LRP1B: variants seen among roughly 807,000 people sequenced by gnomAD.
LRP1B encodes LDL receptor related protein 1B, also known as low-density lipoprotein receptor-related protein 1B.
LRP1B carries 217 observed loss-of-function variants against 556.6 expected under a neutral mutation model. The ratio of observed to expected loss-of-function variants is 0.39; its 90% CI spans 0.35 to 0.44. The LOEUF is 0.44. LRP1B is among the 20% of genes least tolerant of loss of function. The pLI is 1.00. For synonymous variants in LRP1B, 2,047 were observed against 1,865.8 expected (o/e 1.10, Z -2.50); for missense variants, 5,053 against 5,620.8 (o/e 0.90, Z 3.23).
At chr2:140,631,284 G>A (rs979233463) in intron 41 of LRP1B, among the ~76,000 whole-genome samples, 2 of 151,938 alleles carry the variant, frequency 1.3e-5, no homozygotes, top group African/African-American at 4.8e-5. Context: ...ATGCTAAAAG[G>A]CAAAGAAAAA....
At chr2:140,443,685 T>G (rs1686527999) in intron 65 of LRP1B, among the ~76,000 whole-genome samples, 1 of 152,232 alleles carries the variant, frequency 6.6e-6, no homozygotes, top group Non-Finnish European at 1.5e-5. Flanking sequence ...CCAGCTTATA[T>G]GCATATATAT....
intron 66 of LRP1B, among the ~76,000 whole-genome samples, chr2:140,402,691 T>C (rs547543620): frequency 6.6e-6 from 1 of 152,278 alleles, no homozygotes; most frequent in South Asian, 2.1e-4. Context: ...GACCTCAGTG[T>C]GTCTAATTGA....
At chr2:140,707,750 A>T (rs1574265443) in intron 37 of LRP1B, among the ~76,000 whole-genome samples, 1 of 152,030 alleles carries the variant, frequency 6.6e-6, no homozygotes, top group South Asian at 2.1e-4. Context: ...ATTTACGTAC[A>T]GTTTTGTCTG....
chr2:140,715,876 G>C (rs2105460666), intron 37 of LRP1B, 97 bp downstream of exon 37: 1 of 990,372 alleles, frequency 1.0e-6, no homozygotes, highest in Admixed American at 2.7e-5. Context: ...TCTTGATTTT[G>C]TCTCAGACAT....
At chr2:141,477,152 C>T (rs1682742242) in intron 3 of LRP1B, among the ~76,000 whole-genome samples, 2 of 117,720 alleles carry the variant, frequency 1.7e-5, no homozygotes, top group African/African-American at 2.9e-5. Flanking sequence ...AAAAAAAACC[C>T]CAAAAAACAA....
chr2:140,789,463 CT>C (rs1480818075), intron 32 of LRP1B, among the ~76,000 whole-genome samples: 1 of 152,058 alleles, frequency 6.6e-6, no homozygotes, highest in East Asian at 1.9e-4. Flanking sequence ...CTGTTTAACC[CT>C]TCAACTGGCT....
intron 32 of LRP1B, among the ~76,000 whole-genome samples, chr2:140,789,087 C>T (rs746352727): frequency 1.3e-5 from 2 of 152,032 alleles, no homozygotes; most frequent in Non-Finnish European, 2.9e-5. Context: ...CTGTTATGGG[C>T]CCTAGGAGAC....
intron 1 of LRP1B, among the ~76,000 whole-genome samples, chr2:141,864,082 TACA>T (rs1698331855): frequency 6.6e-6 from 1 of 152,098 alleles, no homozygotes; most frequent in Non-Finnish European, 1.5e-5. Flanking sequence ...AAACAGCAAC[TACA>T]ACAACAACAA....
intron 2 of LRP1B, among the ~76,000 whole-genome samples, chr2:141,576,753 C>CAA (rs72183984): frequency 3.9e-4 from 36 of 92,282 alleles, no homozygotes; most frequent in Middle Eastern, 8.9e-3. Flanking sequence ...GCCCCTGTCT[C>CAA]AAAAAAAAAA....
At chr2:141,875,118 A>G (rs1698711655) in intron 1 of LRP1B, among the ~76,000 whole-genome samples, 1 of 151,662 alleles carries the variant, frequency 6.6e-6, no homozygotes, top group Non-Finnish European at 1.5e-5. Flanking sequence ...TACACAGTGT[A>G]ATGTATACAT....
Position 141,935,654 on chromosome 2 carries a change from A to T in LRP1B, c.83-125253T>A, listed in dbSNP as rs941061839. On this transcript the variant is annotated intron_variant, in intron 1 of 90. Transcript: ENST00000389484. ...CTAGTTAGGTGACAAGATGATCAGAACAAATTTTAAGAAAACATCTAGCTG... is the reference window on the plus strand; with the variant it reads ...CTAGTTAGGTGACAAGATGATCAGATCAAATTTTAAGAAAACATCTAGCTG... 3.9e-5 allele frequency among the ~76,000 whole-genome samples: 6 copies of T among 152,216 alleles called. No homozygotes were observed. In the East Asian group the frequency reaches 1.2e-3, roughly 29 times the overall value.
At chr2:141,483,883 G>A (rs78772311) in intron 2 of LRP1B, among the ~76,000 whole-genome samples, 131,519 of 146,780 alleles carry the variant, frequency 0.9, 59,676 homozygotes, top group East Asian at 1. Flanking sequence ...AGATGAGTAG[G>A]TTGCAAAAAT....
chr2:141,570,093 G>A (rs1484042206), intron 2 of LRP1B, among the ~76,000 whole-genome samples: 1 of 150,880 alleles, frequency 6.6e-6, no homozygotes, highest in South Asian at 2.1e-4. Flanking sequence ...GGGTGGGGCC[G>A]AGATGACTGA....
chr2:141,562,362 C>T (rs1034309694), intron 2 of LRP1B, among the ~76,000 whole-genome samples: 2 of 151,986 alleles, frequency 1.3e-5, no homozygotes, highest in South Asian at 4.2e-4. Flanking sequence ...AATAGCTATC[C>T]ACTTATCTAA....
chr2:140,385,020 G>T (rs553298100), intron 67 of LRP1B, among the ~76,000 whole-genome samples: 2 of 152,204 alleles, frequency 1.3e-5, no homozygotes, highest in South Asian at 4.2e-4. Context: ...GGGAGGCCAG[G>T]GTTTATTGCG....
chr2:140,653,138 G>T (rs994294915), intron 41 of LRP1B, among the ~76,000 whole-genome samples: 1 of 151,998 alleles, frequency 6.6e-6, no homozygotes, highest in Admixed American at 6.5e-5. Flanking sequence ...ATGCTATATG[G>T]AATATCCTCA....
At chr2:141,078,333 CT>C (rs1246945180) in intron 7 of LRP1B, among the ~76,000 whole-genome samples, 2 of 151,844 alleles carry the variant, frequency 1.3e-5, no homozygotes, top group East Asian at 3.9e-4. Context: ...AAAAGCCCTT[CT>C]TTCTCCCACA....
intron 7 of LRP1B, among the ~76,000 whole-genome samples, chr2:141,182,637 A>G (rs1042343838): frequency 6.6e-6 from 1 of 152,032 alleles, no homozygotes; most frequent in African/African-American, 2.4e-5. Context: ...AGCTATTGGA[A>G]TATCTTAATT....
chr2:141,236,304 G>A (rs774294705), intron 5 of LRP1B, among the ~76,000 whole-genome samples: 16 of 152,056 alleles, frequency 1.1e-4, no homozygotes, highest in South Asian at 1.0e-3. Context: ...TTTGTAGTGG[G>A]AACATTTAAT....
Sources: gnomAD v4.1 joint callset for allele counts (sites outside exome capture counted in the v4.1 genomes callset) on GRCh38, gnomAD v4.1.1 for gene constraint, MANE v1.5 for transcripts, NCBI Gene and HGNC (gene_info 2026-07-23, HGNC 2026-07-21) for gene names.